Variants in ANO1 observed in about 807,000 individuals in gnomAD.
ANO1 encodes the protein anoctamin 1.
Under a neutral mutation model 124.0 loss-of-function variants are expected in ANO1, and 59 were observed. The ratio of observed to expected loss-of-function variants is 0.48; its 90% confidence interval spans 0.39 to 0.59. ANO1 has a LOEUF of 0.59. ANO1 is among the 20% of genes least tolerant of loss of function. ANO1 has a pLI of 0.00. For synonymous variants in ANO1, 529 were observed against 532.0 expected, an observed-to-expected ratio of 0.99 and a Z score of 0.08; for missense variants, 1,059 against 1,328.0, an observed-to-expected ratio of 0.80 and a Z score of 3.15.
the ANO1 span, among the ~76,000 whole-genome samples, chr11:69,976,778 T>C: frequency 6.6e-6 from 1 of 152,180 alleles, no homozygotes; most frequent in African/African-American, 2.4e-5. Context: ...ATAAGAGGAA[T>C]GCAGAGCCCC....
Position 70,078,673 on chromosome 11 carries a change from T to C in ANO1, c.67T>C (p.Cys23Arg). ...CCGCAGCGTCCACATCATCAACATC[T>C]GCGCCATCGAGGACATCGGCTACCT... ...EDRSVHIINICAIEDIGYLPS... is the reference protein window; with the variant it reads ...EDRSVHIINIRAIEDIGYLPS... The change falls in exon 1 of 26, where the codon TGC becomes CGC. Residue 23 changes from cysteine to arginine, a missense_variant. Coordinates refer to ENST00000355303, the MANE Select transcript of ANO1 (RefSeq NM_018043.7). 6.7e-7 allele frequency: 1 copy of C among 1,494,908 alleles called. No homozygotes were observed. The allele number at this position is 1,494,908 out of a possible 1,614,324, so 92.6% of individuals were successfully genotyped here.
At chr11:69,980,135 T>A in the ANO1 span, among the ~76,000 whole-genome samples, 1 of 152,172 alleles carries the variant, frequency 6.6e-6, no homozygotes, top group African/African-American at 2.4e-5. Flanking sequence ...TGGGTGAACC[T>A]TGAGGACATT....
intron 11 of ANO1, among the ~76,000 whole-genome samples, chr11:70,135,271 G>T (rs1436715501): frequency 1.3e-5 from 2 of 152,142 alleles, no homozygotes; most frequent in African/African-American, 4.8e-5. Flanking sequence ...CAAAGAAAAG[G>T]CCTCCGATGG....
Position 70,104,010 on chromosome 11 carries a change from T to C in ANO1, c.552T>C (p.Ile184=). The C allele has an allele frequency of 6.2e-7, 1 of 1,612,076 alleles. No individual in the cohort carries two copies. Among genetic ancestry groups the C allele is most frequent in the East Asian group, 2.2e-5 (1 of 44,822 alleles). The change falls in exon 4 of 26, where the codon ATT becomes ATC. Residue 184 remains isoleucine (I), a synonymous_variant. Coordinates refer to ENST00000355303, the MANE Select transcript of ANO1 (RefSeq NM_018043.7). The part of the protein sequence containing the change: ...LKMPTKKMYH[I]NETRGLLKKI... ...TGTCTTATCTGCAGATGTACCACAT[T>C]AATGAGACCCGTGGCCTCCTGAAAA... is the stretch of plus-strand genomic sequence containing the variant.
Position 70,021,477 on chromosome 11 carries a change from C to T in ANO1, c.58+35311C>T, listed in dbSNP as rs200802529. Among the ~76,000 whole-genome samples, 343 of 145,210 alleles carry T rather than the reference C, an allele frequency of 2.4e-3. 1 individual carries two copies. The highest frequency in any genetic ancestry group is 8.2e-3 in the African/African-American group (323 of 39,494). On this transcript the variant is annotated intron_variant, in intron 1 of 27. Coordinates refer to the ANO1 transcript ENST00000531349. The stretch of plus-strand genomic sequence containing the variant: ...AGAGTGCTTTTTGTTGTTGTTGTTT[C>T]TTTTTTTTTTTTAGCTCTATCAGAA...
intron 1 of ANO1, among the ~76,000 whole-genome samples, chr11:70,010,175 G>GTA (rs1565159727): frequency 1.8e-4 from 9 of 49,400 alleles, no homozygotes; most frequent in South Asian, 1.9e-3. Context: ...GCGCGTGTGT[G>GTA]TGTGTATATA....
the ANO1 span, among the ~76,000 whole-genome samples, chr11:69,976,549 A>G: frequency 0.012 from 1,138 of 94,704 alleles, 109 homozygotes; most frequent in African/African-American, 0.024. Flanking sequence ...AAAAAAAAAA[A>G]AAAAAGAGAG....
intron 1 of ANO1, among the ~76,000 whole-genome samples, chr11:70,058,137 T>A (rs1857483670): frequency 6.6e-6 from 1 of 151,978 alleles, no homozygotes; most frequent in African/African-American, 2.4e-5. Context: ...TTTGTATGAA[T>A]TGAGAAACTA....
chr11:69,980,186 A>G, the ANO1 span, among the ~76,000 whole-genome samples: 1 of 152,246 alleles, frequency 6.6e-6, no homozygotes. Context: ...GATAAACACC[A>G]CATGTTCCAA....
intron 6 of ANO1, among the ~76,000 whole-genome samples, chr11:70,109,536 C>T (rs775922833): frequency 1.2e-4 from 19 of 152,292 alleles, no homozygotes; most frequent in Admixed American, 1.2e-3. Context: ...CTAGTACACA[C>T]GACTGCAGTG....
intron 8 of ANO1, among the ~76,000 whole-genome samples, chr11:70,118,472 G>C (rs939494408): frequency 2.6e-5 from 4 of 152,262 alleles, no homozygotes; most frequent in African/African-American, 9.6e-5. Flanking sequence ...GGGTAGTCAA[G>C]GAGTAATGAA....
At chr11:70,112,953 T>C (rs1025110662) in intron 7 of ANO1, among the ~76,000 whole-genome samples, 1 of 152,160 alleles carries the variant, frequency 6.6e-6, no homozygotes, top group Non-Finnish European at 1.5e-5. Flanking sequence ...CTCCAGACGG[T>C]TGACCCCAAG....
chr11:70,086,236 T>TAAA (rs2044375269), intron 1 of ANO1, among the ~76,000 whole-genome samples: 1 of 152,194 alleles, frequency 6.6e-6, no homozygotes, highest in Admixed American at 6.5e-5. Flanking sequence ...AGCATGGCTT[T>TAAA]TTTTATTTTT....
intron 1 of ANO1, among the ~76,000 whole-genome samples, chr11:70,084,147 T>A (rs2044287409): frequency 6.6e-6 from 1 of 152,106 alleles, no homozygotes; most frequent in African/African-American, 2.4e-5. Context: ...CAGGCGCACC[T>A]GGGACTCAGG....
chr11:69,989,608 C>G (rs1326768131), intron 1 of ANO1, among the ~76,000 whole-genome samples: 3 of 152,096 alleles, frequency 2.0e-5, no homozygotes, highest in Non-Finnish European at 4.4e-5. Context: ...CACCCCCTCC[C>G]CACCACCTGC....
At chr11:70,146,141 T>G (rs1310245231) in intron 11 of ANO1, among the ~76,000 whole-genome samples, 1 of 151,898 alleles carries the variant, frequency 6.6e-6, no homozygotes, top group East Asian at 1.9e-4. Context: ...GCACAGAGAG[T>G]TGGTCCAGTA....
intron 11 of ANO1, among the ~76,000 whole-genome samples, chr11:70,142,383 ACTGTGATCGT>A (rs2047187635): frequency 6.6e-6 from 1 of 152,170 alleles, no homozygotes. Context: ...AAGGGGATGC[ACTGTGATCGT>A]CTGCGGGAAC....
chr11:70,098,672 C>A (rs1363137225), intron 2 of ANO1, among the ~76,000 whole-genome samples: 1 of 152,178 alleles, frequency 6.6e-6, no homozygotes, highest in Non-Finnish European at 1.5e-5. Context: ...TTTAGGGGTG[C>A]AAACCTTCAA....
At chr11:70,133,326 G>A (rs549587577) in intron 11 of ANO1, among the ~76,000 whole-genome samples, 3 of 152,204 alleles carry the variant, frequency 2.0e-5, no homozygotes, top group Non-Finnish European at 4.4e-5. Flanking sequence ...AGCATTGGCT[G>A]GCATTGCCAA....
Sources: allele counts gnomAD v4.1 joint callset (sites outside exome capture counted in the v4.1 genomes callset), GRCh38; gene constraint gnomAD v4.1.1; transcripts MANE v1.5; gene names NCBI Gene and HGNC (gene_info 2026-07-23, HGNC 2026-07-21).